The following MAML2 variants were observed in gnomAD, a reference collection of about 807,000 sequenced individuals.
MAML2 encodes the protein mastermind-like protein 2.
MAML2 carries 22 observed loss-of-function variants against 96.1 expected under a neutral mutation model. The ratio of observed to expected loss-of-function variants is 0.23; its 90% CI spans 0.16 to 0.33. The LOEUF is 0.33. MAML2 is among the 10% of genes least tolerant of loss of function. The pLI, the probability that MAML2 is intolerant of heterozygous loss-of-function variation, is 1.00. For synonymous variants in MAML2, 561 were observed against 521.3 expected (o/e 1.08, Z -1.04); for missense variants, 1,367 against 1,392.4 (o/e 0.98, Z 0.29).
At chr11:95,982,951 G>A (rs546908622) in intron 4 of MAML2, among the ~76,000 whole-genome samples, 2 of 152,218 alleles carry the variant, frequency 1.3e-5, no homozygotes, top group East Asian at 3.9e-4. Context: ...CTACACATAT[G>A]TAACATTTTT....
intron 1 of MAML2, among the ~76,000 whole-genome samples, chr11:96,250,014 C>T (rs1336095055): frequency 1.3e-5 from 2 of 152,134 alleles, no homozygotes; most frequent in Non-Finnish European, 2.9e-5. Context: ...CCCTGCAATT[C>T]GCTCAGAGAC....
Position 96,341,822 on chromosome 11 carries a change from C to T in MAML2, c.74G>A (p.Gly25Glu), listed in dbSNP as rs1324309758. The change falls in exon 1 of 5, where the codon GGG becomes GAG. Residue 25 changes from glycine to glutamate, a missense_variant. By Grantham distance (98) the Gly-to-Glu change is moderately conservative. Transcript: ENST00000524717. ...GTGCACTCTCGGGGTGACTGAGCCC[C>T]CTCCAAGGAGCCCCGCCCCAGAGGC... ...GGASGAGLLG[G>E]GSVTPRVHSA... The T allele has an allele frequency of 6.3e-7, 1 of 1,591,036 alleles. No individual in the cohort carries two copies. Among genetic ancestry groups the T allele is most frequent in the Admixed American group, 1.7e-5 (1 of 57,582 alleles).
intron 2 of MAML2, among the ~76,000 whole-genome samples, chr11:96,033,579 T>G (rs1310052758): frequency 6.6e-6 from 1 of 152,218 alleles, no homozygotes; most frequent in African/African-American, 2.4e-5. Context: ...TGCTCAAAAA[T>G]TTTTGAATAA....
intron 1 of MAML2, among the ~76,000 whole-genome samples, chr11:96,099,983 A>G (rs1382517328): frequency 6.6e-6 from 1 of 152,190 alleles, no homozygotes; most frequent in Non-Finnish European, 1.5e-5. Context: ...CGAGAATGTG[A>G]AGCCCTGAGA....
At chr11:96,005,724 G>A (rs1398147325) in intron 2 of MAML2, among the ~76,000 whole-genome samples, 1 of 152,116 alleles carries the variant, frequency 6.6e-6, no homozygotes, top group African/African-American at 2.4e-5. Flanking sequence ...GCATAAGGTA[G>A]AACTATACAG....
intron 1 of MAML2, among the ~76,000 whole-genome samples, chr11:96,314,385 T>C (rs1328724246): frequency 3.3e-5 from 5 of 152,234 alleles, no homozygotes; most frequent in African/African-American, 4.8e-5. Context: ...TTTGGAATCA[T>C]TTTAAGTCCT....
At chr11:96,189,501 C>T (rs1861622775) in intron 1 of MAML2, among the ~76,000 whole-genome samples, 1 of 152,208 alleles carries the variant, frequency 6.6e-6, no homozygotes, top group Non-Finnish European at 1.5e-5. Context: ...AAAGTAGTCT[C>T]TTACCACTAT....
intron 1 of MAML2, among the ~76,000 whole-genome samples, chr11:96,196,427 TC>T (rs1373302230): frequency 6.6e-6 from 1 of 152,240 alleles, no homozygotes; most frequent in Non-Finnish European, 1.5e-5. Context: ...TATCTTGTTT[TC>T]CTGGATATCG....
intron 1 of MAML2, among the ~76,000 whole-genome samples, chr11:96,318,770 G>A (rs762225911): frequency 6.6e-6 from 1 of 152,122 alleles, no homozygotes; most frequent in Non-Finnish European, 1.5e-5. Context: ...AGTATATAGG[G>A]GACATTCATT....
chr11:96,091,753 G>A (rs1859709537), intron 2 of MAML2, 139 bp downstream of exon 2: 5 of 1,272,744 alleles, frequency 3.9e-6, no homozygotes, highest in Non-Finnish European at 5.3e-6. Context: ...GCTTTATGAG[G>A]TCTTCATATG....
intron 1 of MAML2, among the ~76,000 whole-genome samples, chr11:96,215,074 C>T (rs1200676619): frequency 6.6e-6 from 1 of 152,208 alleles, no homozygotes; most frequent in African/African-American, 2.4e-5. Context: ...CCATTTCTTG[C>T]ACTAGGAATA....
intron 1 of MAML2, among the ~76,000 whole-genome samples, chr11:96,298,682 T>C (rs545254460): frequency 2.8e-4 from 42 of 150,196 alleles, no homozygotes; most frequent in African/African-American, 1.0e-3. Context: ...TATACATTTT[T>C]CTATGTATAT....
At chr11:96,063,901 G>C (rs1455195327) in intron 2 of MAML2, among the ~76,000 whole-genome samples, 1 of 152,214 alleles carries the variant, frequency 6.6e-6, no homozygotes, top group Non-Finnish European at 1.5e-5. Context: ...TGCAGGACTA[G>C]AGTTCAACCA....
intron 1 of MAML2, among the ~76,000 whole-genome samples, chr11:96,309,535 C>T (rs557137335): frequency 1.4e-4 from 22 of 152,108 alleles, no homozygotes; most frequent in Non-Finnish European, 2.1e-4. Flanking sequence ...TGCCACCATC[C>T]CTGTTAGGCA....
chr11:96,170,050 A>G (rs1415256826), intron 1 of MAML2, among the ~76,000 whole-genome samples: 1 of 152,238 alleles, frequency 6.6e-6, no homozygotes, highest in Admixed American at 6.5e-5. Context: ...CACAACAAAA[A>G]TGCCTTCTGT....
intron 1 of MAML2, among the ~76,000 whole-genome samples, chr11:96,193,502 T>C (rs1041174720): frequency 6.6e-6 from 1 of 152,232 alleles, no homozygotes; most frequent in African/African-American, 2.4e-5. Flanking sequence ...GATATGCTGA[T>C]AGATTTTAGT....
chr11:96,123,538 C>T (rs775641539), intron 1 of MAML2, among the ~76,000 whole-genome samples: 5 of 152,210 alleles, frequency 3.3e-5, no homozygotes, highest in Non-Finnish European at 7.3e-5. Context: ...AACTAGGCTA[C>T]GGTGCTTCCG....
chr11:96,301,781 A>T (rs1591122331), intron 1 of MAML2, among the ~76,000 whole-genome samples: 1 of 152,228 alleles, frequency 6.6e-6, no homozygotes, highest in African/African-American at 2.4e-5. Flanking sequence ...TCACACTCAG[A>T]TAATCCATTC....
At chr11:96,007,332 C>T (rs779986863) in intron 2 of MAML2, among the ~76,000 whole-genome samples, 4 of 151,926 alleles carry the variant, frequency 2.6e-5, no homozygotes, top group African/African-American at 7.3e-5. Flanking sequence ...TTTTTAAAGG[C>T]GTTTTTCTTC....
Sources: allele counts gnomAD v4.1 joint callset (sites outside exome capture counted in the v4.1 genomes callset), GRCh38; gene constraint gnomAD v4.1.1; transcripts MANE v1.5; gene names NCBI Gene and HGNC (gene_info 2026-07-23, HGNC 2026-07-21).